The following HNRNPUL1 variants were observed in gnomAD, a reference collection of about 807,000 sequenced individuals.
HNRNPUL1 encodes the protein heterogeneous nuclear ribonucleoprotein U like 1.
In HNRNPUL1, 14 loss-of-function variants were observed where a neutral mutation model predicts 108.5. That is an observed-to-expected ratio of 0.13 (90% CI 0.09 to 0.20). HNRNPUL1 has a LOEUF of 0.20. Ranked by LOEUF, HNRNPUL1 falls within the 10% of genes least tolerant of loss-of-function variation. The probability of loss-of-function intolerance (pLI) is 1.00; values close to 1 mark genes in which losing one functional copy is unlikely to be tolerated. For synonymous variants in HNRNPUL1, 422 were observed against 445.2 expected, an observed-to-expected ratio of 0.95 and a Z score of 0.66; for missense variants, 804 against 1,168.3, an observed-to-expected ratio of 0.69 and a Z score of 4.55.
chr19:41,286,849 C>T (rs2036262350), intron 7 of HNRNPUL1, among the ~76,000 whole-genome samples: 1 of 150,638 alleles, frequency 6.6e-6, no homozygotes, highest in African/African-American at 2.4e-5. Context: ...TCCCAAGTAG[C>T]TGGGATTAAG....
In HNRNPUL1 at chr19:41,302,882, T is replaced by C; in HGVS notation, c.1905T>C (p.Pro635=). Residue 635 remains proline (P), a synonymous_variant, in exon 12 of 15, where the codon CCT becomes CCC. Transcript: ENST00000392006. ...AGCGCTATGAAAACCGAGGACCCCC[T>C]GGAGGCAACCGTGGCGGCTTCCAGA... is the stretch of plus-strand genomic sequence containing the variant. ...GFQRYENRGP[P]GGNRGGFQNR... 1.3e-6 allele frequency: 2 copies of C among 1,550,112 alleles called. No homozygotes were observed. Among genetic ancestry groups the C allele is most frequent in the Non-Finnish European group, 1.7e-6 (2 of 1,148,662 alleles).
intron 1 of HNRNPUL1, chr19:41,265,464 G>A (rs898079550): frequency 4.0e-6 from 5 of 1,261,886 alleles, no homozygotes; most frequent in Non-Finnish European, 5.3e-6. Context: ...ATTGAACTAG[G>A]GGGCACCCCC....
chr19:41,294,730 C>G lies in HNRNPUL1; in HGVS notation c.1518+44C>G. ...TGTGTCCTCAGGAGAAGGGAGGGGACCCCTTGCATGCCTGAGAATCTCCCT... is the reference window on the plus strand; with the variant it reads ...TGTGTCCTCAGGAGAAGGGAGGGGAGCCCTTGCATGCCTGAGAATCTCCCT... On this transcript the variant is annotated intron_variant, in intron 10 of 14. Transcript: ENST00000392006. The surrounding 1 kb of genome is among the most constrained non-coding windows in gnomAD (Gnocchi z 4.3). 1 of 1,608,176 alleles carries G rather than the reference C, an allele frequency of 6.2e-7. No individual in the cohort carries two copies. Among genetic ancestry groups the G allele is most frequent in the Non-Finnish European group, 8.5e-7 (1 of 1,175,384 alleles).
intron 5 of HNRNPUL1, among the ~76,000 whole-genome samples, chr19:41,277,952 CT>C (rs34512016): frequency 0.031 from 4,300 of 136,760 alleles, 47 homozygotes; most frequent in African/African-American, 0.049. Context: ...AGTCAGAAGG[CT>C]TTTTTTTTTT....
intron 1 of HNRNPUL1, 138 bp from the exon 2 acceptor site, chr19:41,268,085 C>T: frequency 1.3e-6 from 1 of 788,780 alleles, no homozygotes. Context: ...GTATAGTATG[C>T]ATGCCATGAA....
intron 2 of HNRNPUL1, among the ~76,000 whole-genome samples, chr19:41,268,676 T>C (rs1043440333): frequency 1.3e-5 from 2 of 152,002 alleles, no homozygotes; most frequent in Non-Finnish European, 2.9e-5. Context: ...CTGGCCAATA[T>C]GGTGAAACCC....
rs900258268 is a variant in HNRNPUL1, at chr19:41,307,038, T to TA, written c.*485dup. ...CAGGATTAAAAAAAAAATCAAAACTTAAAAAAAAAAAAGTTTAAAAAGCAA... is the reference window on the plus strand; with the variant it reads ...CAGGATTAAAAAAAAAATCAAAACTTAAAAAAAAAAAAAGTTTAAAAAGCAA... On this transcript the variant is annotated 3_prime_UTR_variant, in exon 15 of 15. Coordinates refer to ENST00000392006, the MANE Select transcript of HNRNPUL1 (RefSeq NM_007040.6). 51 of 144,878 alleles carry TA rather than the reference T, an allele frequency of 3.5e-4. No homozygotes were observed. Among genetic ancestry groups the TA allele is most frequent in the Middle Eastern group, 3.6e-3 (1 of 278 alleles). The allele number at this position is 144,878 out of a possible 1,614,324, so 9.0% of individuals were successfully genotyped here.
chr19:41,272,233 G>C lies in HNRNPUL1; in HGVS notation c.570G>C (p.Arg190Ser), dbSNP rs1463442605. The C allele has an allele frequency of 1.9e-6, 3 of 1,613,204 alleles. No individual in the cohort carries two copies. The highest frequency in any genetic ancestry group is 2.2e-5 in the South Asian group (2 of 91,044). Reference sequence around the variant, plus strand: ...GGTACTTTGAGCACCGAGAGGATAGGAGGTGGGTGTATGAGGCAGCAGTCA... The same window carrying C: ...GGTACTTTGAGCACCGAGAGGATAGCAGGTGGGTGTATGAGGCAGCAGTCA... ...GRGYFEHRED[R>S]RGRSPQPPAE... Residue 190 changes from arginine (R) to serine (S), a missense_variant and splice_region_variant, in exon 3 of 15, where the codon AGG becomes AGC. Physicochemically the swap from Arg to Ser is moderately radical, Grantham distance 110. This residue lies in a region of HNRNPUL1 where 174 missense variants were observed against 296.6 expected (regional missense o/e 0.59). Coordinates refer to ENST00000392006, the MANE Select transcript of HNRNPUL1 (RefSeq NM_007040.6).
chr19:41,284,210 G>C (rs1421290053), intron 7 of HNRNPUL1, among the ~76,000 whole-genome samples: 1 of 152,160 alleles, frequency 6.6e-6, no homozygotes, highest in African/African-American at 2.4e-5. Flanking sequence ...AATTTGAATT[G>C]GTTGATATGC....
chr19:41,284,995 CAAAA>C (rs773865440), intron 7 of HNRNPUL1, among the ~76,000 whole-genome samples: 1 of 61,444 alleles, frequency 1.6e-5, no homozygotes, highest in African/African-American at 5.7e-5. Flanking sequence ...GACTCTGTCT[CAAAA>C]AAAAAAAAAA....
intron 10 of HNRNPUL1, among the ~76,000 whole-genome samples, chr19:41,299,301 C>T (rs1357015722): frequency 1.3e-5 from 2 of 152,076 alleles, no homozygotes; most frequent in African/African-American, 2.4e-5. Context: ...TTTTTCCTGG[C>T]GCGTGTTTCA....
At chr19:41,268,534 A>T (rs111818940) in intron 2 of HNRNPUL1, among the ~76,000 whole-genome samples, 189 bp downstream of exon 2, 1 of 152,018 alleles carries the variant, frequency 6.6e-6, no homozygotes, top group South Asian at 2.1e-4. Context: ...GTGTTGGGAG[A>T]GGGGAGGTTC....
At position 41,294,511 on chromosome 19, in the gene HNRNPUL1, T is replaced by C. The variant is rs1333303586; in HGVS notation, c.1390-47T>C. 6.2e-7 allele frequency: 1 copy of C among 1,613,720 alleles called. No homozygotes were observed. Among genetic ancestry groups the C allele is most frequent in the Non-Finnish European group, 8.5e-7 (1 of 1,179,734 alleles). On this transcript the variant is annotated intron_variant, in intron 9 of 14. Coordinates refer to ENST00000392006, the MANE Select transcript of HNRNPUL1 (RefSeq NM_007040.6). This position sits in a 1 kb window ranked among gnomAD's most constrained non-coding sequence, Gnocchi z 4.3. ...TACTCACCTCCAACCTACTGAGTGC[T>C]GCCCTGCAACTAAAATCACTCACCC... is the stretch of plus-strand genomic sequence containing the variant.
Position 41,306,687 on chromosome 19 carries a change from C to T in HNRNPUL1, c.*122C>T. ...GGGGATGGGGTCATCCCAGGGCTGC[C>T]TCCCTCCAGCCCACTGCCTCCCCTC... On this transcript the variant is annotated 3_prime_UTR_variant, in exon 15 of 15. Coordinates refer to ENST00000392006, the MANE Select transcript of HNRNPUL1 (RefSeq NM_007040.6). The T allele has an allele frequency of 1.9e-6, 1 of 520,654 alleles. No individual in the cohort carries two copies. The highest frequency in any genetic ancestry group is 3.2e-6 in the Non-Finnish European group (1 of 309,742). 32.3% of individuals were successfully genotyped at this position (520,654 alleles called of 1,614,324 possible). A position where few individuals can be genotyped will look rare whatever the true frequency, so the allele number is the denominator to read the frequency against.
chr19:41,273,202 C>T (rs573316393), intron 3 of HNRNPUL1, among the ~76,000 whole-genome samples: 2 of 152,306 alleles, frequency 1.3e-5, no homozygotes, highest in Non-Finnish European at 2.9e-5. Context: ...ATGGACTTAA[C>T]ATGTGATGAG....
chr19:41,272,627 C>CA (rs1338947041), intron 3 of HNRNPUL1, among the ~76,000 whole-genome samples: 1 of 152,206 alleles, frequency 6.6e-6, no homozygotes, highest in Non-Finnish European at 1.5e-5. Context: ...TCAGTTCTCA[C>CA]AGTGCTGTCA....
At chr19:41,303,871 G>A (rs945967185) in intron 12 of HNRNPUL1, 101 bp from the exon 13 acceptor site, 3 of 1,416,226 alleles carry the variant, frequency 2.1e-6, no homozygotes, top group Non-Finnish European at 2.9e-6. Flanking sequence ...CTTGCTCTGC[G>A]CCTGGCCATG....
chr19:41,284,636 G>A (rs552833585), intron 7 of HNRNPUL1, among the ~76,000 whole-genome samples: 3 of 152,240 alleles, frequency 2.0e-5, no homozygotes, highest in African/African-American at 7.2e-5. Flanking sequence ...CTGGATGACA[G>A]AATGAGACTC....
At chr19:41,281,138 T>C in intron 6 of HNRNPUL1, 25 bp from the exon 7 acceptor site, 6 of 1,529,396 alleles carry the variant, frequency 3.9e-6, no homozygotes, top group Non-Finnish European at 4.5e-6. Flanking sequence ...AGGTTTAACC[T>C]GCCTTTGCCT....
Sources: gnomAD v4.1 joint callset for allele counts (sites outside exome capture counted in the v4.1 genomes callset) on GRCh38, gnomAD v4.1.1 for gene constraint, gnomAD v4.1.1 regional missense constraint, Gnocchi (gnomAD v3.1) non-coding constraint, MANE v1.5 for transcripts, NCBI Gene and HGNC (gene_info 2026-07-23, HGNC 2026-07-21) for gene names.